EPAS1: variants seen among roughly 807,000 people sequenced by gnomAD.
EPAS1 encodes endothelial PAS domain protein 1.
In EPAS1, 23 loss-of-function variants were observed where a neutral mutation model predicts 87.9. The ratio of observed to expected loss-of-function variants is 0.26; its 90% CI spans 0.19 to 0.37. The LOEUF is 0.37. EPAS1 is among the 10% of genes least tolerant of loss of function. The probability of loss-of-function intolerance (pLI) is 1.00; values close to 1 mark genes in which losing one functional copy is unlikely to be tolerated. For synonymous variants in EPAS1, 508 were observed against 444.3 expected, an observed-to-expected ratio of 1.14 and a Z score of -1.80; for missense variants, 1,138 against 1,120.7, an observed-to-expected ratio of 1.02 and a Z score of -0.22.
intron 2 of EPAS1, 129 bp from the exon 3 acceptor site, chr2:46,356,022 G>A: frequency 1.0e-6 from 1 of 965,902 alleles, no homozygotes; most frequent in Non-Finnish European, 1.7e-6. Context: ...TCAGATGGTT[G>A]GCAGTATGCG....
At chr2:46,329,989 T>G (rs1383836719) in intron 1 of EPAS1, among the ~76,000 whole-genome samples, 1 of 152,240 alleles carries the variant, frequency 6.6e-6, no homozygotes, top group Non-Finnish European at 1.5e-5. Flanking sequence ...GATGAATCAT[T>G]CACAGAATGA....
chr2:46,358,999 G>A (rs1684328783), intron 4 of EPAS1, among the ~76,000 whole-genome samples: 1 of 152,214 alleles, frequency 6.6e-6, no homozygotes, highest in East Asian at 1.9e-4. Flanking sequence ...GGTGGCTCAC[G>A]CCTGTAATCC....
intron 1 of EPAS1, among the ~76,000 whole-genome samples, chr2:46,323,104 C>T (rs973211134): frequency 9.9e-5 from 15 of 152,014 alleles, no homozygotes; most frequent in African/African-American, 3.4e-4. Context: ...ACTCCCATGG[C>T]GACCTCACGG....
rs895932318 is a variant in EPAS1 at position 46,382,420 on chromosome 2, T to G, written c.2288-5T>G. On this transcript the variant is annotated splice_region_variant and splice_polypyrimidine_tract_variant and intron_variant, in intron 14 of 15. Coordinates refer to ENST00000263734, the MANE Select transcript of EPAS1 (RefSeq NM_001430.5). ...TACCGTCACTCTCTGACTTTGGTCT[T>G]TCAGATAAGTTCACCCAAAACCCCA... 1.5e-5 allele frequency: 24 copies of G among 1,614,104 alleles called. No homozygotes were observed. Among genetic ancestry groups the G allele is most frequent in the Non-Finnish European group, 2.0e-5 (24 of 1,180,020 alleles).
intron 1 of EPAS1, among the ~76,000 whole-genome samples, chr2:46,303,045 C>T (rs1018978873): frequency 6.6e-6 from 1 of 151,992 alleles, no homozygotes; most frequent in Non-Finnish European, 1.5e-5. Context: ...TGCACTCCAG[C>T]GTGGGTGACA....
At chr2:46,379,038 C>T (rs1558611155) in intron 11 of EPAS1, among the ~76,000 whole-genome samples, 1 of 152,216 alleles carries the variant, frequency 6.6e-6, no homozygotes, top group South Asian at 2.1e-4. Context: ...GATACCACTG[C>T]ACCTTTCTTT....
intron 6 of EPAS1, among the ~76,000 whole-genome samples, chr2:46,366,153 G>A (rs965930158): frequency 2.6e-5 from 4 of 152,220 alleles, no homozygotes; most frequent in East Asian, 1.9e-4. Flanking sequence ...GGGTGCTGGC[G>A]ATTACATGCG....
intron 1 of EPAS1, among the ~76,000 whole-genome samples, chr2:46,308,640 T>G (rs957683448): frequency 3.3e-5 from 5 of 152,212 alleles, no homozygotes; most frequent in East Asian, 1.9e-4. Flanking sequence ...AGAAAAAATT[T>G]GGGGGACCAC....
At chr2:46,366,984 T>C (rs191101163) in intron 6 of EPAS1, among the ~76,000 whole-genome samples, 5 of 152,360 alleles carry the variant, frequency 3.3e-5, no homozygotes, top group Admixed American at 6.5e-5. Flanking sequence ...TGTTCTTCAA[T>C]TGTGTTTGGG....
chr2:46,378,859 T>C, intron 11 of EPAS1, 92 bp downstream of exon 11: 1 of 1,249,570 alleles, frequency 8.0e-7, no homozygotes, highest in South Asian at 1.2e-5. Context: ...CATCCCTTTG[T>C]TGTAAAGAGC....
intron 7 of EPAS1, 30 bp downstream of exon 7, chr2:46,369,963 C>A: frequency 6.5e-7 from 1 of 1,550,186 alleles, no homozygotes; most frequent in Non-Finnish European, 8.9e-7. Flanking sequence ...CTTGTGGCTT[C>A]CTTGTGTCTG....
intron 1 of EPAS1, among the ~76,000 whole-genome samples, chr2:46,327,399 G>T (rs556054586): frequency 6.7e-6 from 1 of 149,458 alleles, no homozygotes; most frequent in African/African-American, 2.6e-5. Flanking sequence ...GAGAACATAG[G>T]AATAGAGATT....
chr2:46,311,389 G>A lies in EPAS1; in HGVS notation c.26+13452G>A, dbSNP rs148973352. Reference sequence around the variant, plus strand: ...AGTTAGGTGGAAAGGAGCCTGGACTGTCAGAACCAGGAAAAGACTGCAGGT... The same window carrying A: ...AGTTAGGTGGAAAGGAGCCTGGACTATCAGAACCAGGAAAAGACTGCAGGT... On this transcript the variant is annotated intron_variant, in intron 1 of 15. Coordinates refer to ENST00000263734, the MANE Select transcript of EPAS1 (RefSeq NM_001430.5). 5.5e-3 allele frequency among the ~76,000 whole-genome samples: 844 copies of A among 152,278 alleles called. 10 individuals are homozygous for A. Among genetic ancestry groups the A allele is most frequent in the African/African-American group, 0.019 (804 of 41,562 alleles).
rs149784286 is a variant in EPAS1, at chr2:46,350,618, A to G, written c.217+3555A>G. ...GGTGGAAATGCCACTTGATTGTCCT[A>G]AATCCTCTTTCAAGATGAGCCCCAC... On this transcript the variant is annotated intron_variant, in intron 2 of 15. Coordinates refer to ENST00000263734, the MANE Select transcript of EPAS1 (RefSeq NM_001430.5). Among the ~76,000 whole-genome samples, 13 of 152,368 alleles carry G rather than the reference A, an allele frequency of 8.5e-5. No individual in the cohort carries two copies. In the East Asian group the frequency reaches 2.3e-3, roughly 27 times the overall value.
chr2:46,356,183 G>C lies in EPAS1; in HGVS notation c.250G>C (p.Asp84His). 6.3e-7 allele frequency: 1 copy of C among 1,592,552 alleles called. No individual in the cohort carries two copies. Among genetic ancestry groups the C allele is most frequent in the Non-Finnish European group, 8.6e-7 (1 of 1,168,942 alleles). ...CSENESEAEA[D>H]QQMDNLYLKA... ...TGAAAACGAGTCCGAAGCCGAAGCTGACCAGCAGATGGACAACTTGTACCT... is the reference window on the plus strand; with the variant it reads ...TGAAAACGAGTCCGAAGCCGAAGCTCACCAGCAGATGGACAACTTGTACCT... Residue 84 changes from aspartate (D) to histidine (H), a missense_variant, in exon 3 of 16, where the codon GAC becomes CAC. Asp to His is a moderately conservative substitution (Grantham distance 81, BLOSUM62 -1). Around this residue, in one of 4 missense-constraint regions of EPAS1, gnomAD observed 351 missense variants for 417.1 expected, o/e 0.84. Coordinates refer to ENST00000263734, the MANE Select transcript of EPAS1 (RefSeq NM_001430.5).
chr2:46,378,642 C>T lies in EPAS1; in HGVS notation c.1444-15C>T, dbSNP rs2103668919. ...CCATATCTTTGACTCTGTCCCCCTC[C>T]TTCCTGGCCCCTAGCCCAATAGCCC... On this transcript the variant is annotated splice_polypyrimidine_tract_variant and intron_variant, in intron 10 of 15. Coordinates refer to ENST00000263734, the MANE Select transcript of EPAS1 (RefSeq NM_001430.5). The T allele has an allele frequency of 1.2e-6, 2 of 1,610,844 alleles. No homozygotes were observed. The highest frequency in any genetic ancestry group is 2.2e-5 in the East Asian group (1 of 44,868).
intron 1 of EPAS1, among the ~76,000 whole-genome samples, chr2:46,345,117 G>C (rs1683995823): frequency 6.6e-6 from 1 of 152,202 alleles, no homozygotes; most frequent in South Asian, 2.1e-4. Context: ...TGAAACCTAT[G>C]AACTTCGCTG....
rs1219003232 is a variant in EPAS1 at position 46,371,560 on chromosome 2, T to A, written c.886+1627T>A. On this transcript the variant is annotated intron_variant, in intron 7 of 15. Transcript: ENST00000263734. The surrounding 1 kb of genome is among the most constrained non-coding windows in gnomAD (Gnocchi z 4.3). ...TGGGGTAGGAGTGGAGGTACTCTTTTATGCCTGTGAATGTGACCCCACCTT... is the reference window on the plus strand; with the variant it reads ...TGGGGTAGGAGTGGAGGTACTCTTTAATGCCTGTGAATGTGACCCCACCTT... Among the ~76,000 whole-genome samples, 1 of 152,160 alleles carries A rather than the reference T, an allele frequency of 6.6e-6. No homozygotes were observed. The highest frequency in any genetic ancestry group is 2.4e-5 in the African/African-American group (1 of 41,444).
At position 46,382,696 on chromosome 2, in the gene EPAS1, A is replaced by T. The variant is rs149113142; in HGVS notation, c.2461+98A>T. 25 of 1,505,826 alleles carry T rather than the reference A, an allele frequency of 1.7e-5. No homozygotes were observed. The African/African-American group carries it at 3.5e-4, about 21-fold the overall frequency. The allele number at this position is 1,505,826 out of a possible 1,614,324, so 93.3% of individuals were successfully genotyped here. On this transcript the variant is annotated intron_variant, in intron 15 of 15. Transcript: ENST00000263734. Reference sequence around the variant, plus strand: ...CCAGCGTCTGCACAGTGCCAGGCACAGGGAGGTGCTTGACTTGAAGTCACC... The same window carrying T: ...CCAGCGTCTGCACAGTGCCAGGCACTGGGAGGTGCTTGACTTGAAGTCACC...
Sources: gnomAD v4.1 joint callset for allele counts (sites outside exome capture counted in the v4.1 genomes callset) on GRCh38, gnomAD v4.1.1 for gene constraint, gnomAD v4.1.1 regional missense constraint, Gnocchi (gnomAD v3.1) non-coding constraint, MANE v1.5 for transcripts, NCBI Gene and HGNC (gene_info 2026-07-23, HGNC 2026-07-21) for gene names.